MYRIP: variants seen among roughly 807,000 people sequenced by gnomAD.
The protein encoded by MYRIP is myosin VIIA and Rab interacting protein, also known as rab effector MyRIP.
MYRIP carries 49 observed loss-of-function variants against 98.0 expected under a neutral mutation model. That is an observed-to-expected ratio of 0.50 (90% CI 0.40 to 0.63). The LOEUF is 0.63. Ranked by LOEUF, MYRIP falls within the 30% of genes least tolerant of loss-of-function variation. MYRIP has a pLI of 0.00. For synonymous variants in MYRIP, 404 were observed against 409.5 expected, an observed-to-expected ratio of 0.99 and a Z score of 0.16; for missense variants, 1,004 against 1,058.2, an observed-to-expected ratio of 0.95 and a Z score of 0.71.
intron 2 of MYRIP, among the ~76,000 whole-genome samples, chr3:40,021,696 A>G (rs959375079): frequency 9.2e-5 from 14 of 152,236 alleles, no homozygotes; most frequent in Non-Finnish European, 2.1e-4. Context: ...CATGTGATAC[A>G]GGTTTTGACC....
chr3:40,161,525 T>A (rs1158910898), intron 4 of MYRIP, among the ~76,000 whole-genome samples: 1 of 152,184 alleles, frequency 6.6e-6, no homozygotes, highest in African/African-American at 2.4e-5. Context: ...CCCTTCTCTG[T>A]TGCCTCCCCC....
At chr3:39,934,229 G>C (rs1482220865) in intron 2 of MYRIP, among the ~76,000 whole-genome samples, 1 of 149,526 alleles carries the variant, frequency 6.7e-6, no homozygotes, top group Non-Finnish European at 1.5e-5. Flanking sequence ...ATTCCTTCCT[G>C]TGCCTAAAAG....
intron 11 of MYRIP, among the ~76,000 whole-genome samples, chr3:40,220,903 C>A (rs13322142): frequency 2.0e-5 from 3 of 151,884 alleles, no homozygotes; most frequent in African/African-American, 7.3e-5. Flanking sequence ...AATCTGCCCC[C>A]ACGATCCAAT....
intron 2 of MYRIP, among the ~76,000 whole-genome samples, chr3:39,994,604 C>G (rs557474067): frequency 4.4e-4 from 67 of 152,374 alleles, no homozygotes; most frequent in African/African-American, 1.6e-3. Context: ...TAGACTCCAC[C>G]TCTGGGGGCA....
At chr3:40,175,130 T>TAATAA (rs56673027) in intron 8 of MYRIP, among the ~76,000 whole-genome samples, 145,717 of 151,164 alleles carry the variant, frequency 0.96, 70,383 homozygotes, top group East Asian at 1. Flanking sequence ...GTCTCAAAAA[T>TAATAA]AATAAAATAA....
chr3:40,167,595 C>T (rs1431545364), intron 7 of MYRIP, among the ~76,000 whole-genome samples: 1 of 152,192 alleles, frequency 6.6e-6, no homozygotes, highest in African/African-American at 2.4e-5. Flanking sequence ...CATTCTGATA[C>T]TAACTTCTTC....
chr3:39,809,210 C>G (rs897116870), upstream of MYRIP, among the ~76,000 whole-genome samples: 5 of 152,162 alleles, frequency 3.3e-5, no homozygotes, highest in South Asian at 1.0e-3. Flanking sequence ...TCCGGGCCCC[C>G]AGGACTCAGA....
chr3:40,028,846 A>C (rs1947194363), intron 2 of MYRIP, among the ~76,000 whole-genome samples: 1 of 152,130 alleles, frequency 6.6e-6, no homozygotes, highest in Non-Finnish European at 1.5e-5. Flanking sequence ...AATATAATCT[A>C]ATAAGTGAGA....
chr3:40,199,840 C>G (rs11927522), intron 10 of MYRIP, among the ~76,000 whole-genome samples: 1 of 151,958 alleles, frequency 6.6e-6, no homozygotes, highest in East Asian at 1.9e-4. Flanking sequence ...GAAGACAAAT[C>G]ATAATATGGC....
At chr3:39,899,226 GTATTCTGTA>G (rs1214543640) in intron 1 of MYRIP, among the ~76,000 whole-genome samples, 1 of 152,084 alleles carries the variant, frequency 6.6e-6, no homozygotes, top group Admixed American at 6.6e-5. Context: ...TGCTGTACAT[GTATTCTGTA>G]CATGTGGTGT....
chr3:39,975,485 C>T (rs1181249618), intron 2 of MYRIP, among the ~76,000 whole-genome samples: 291 of 151,906 alleles, frequency 1.9e-3, no homozygotes, highest in Non-Finnish European at 3.4e-3. Context: ...AGGTAATTTA[C>T]AGATTCAATG....
intron 3 of MYRIP, among the ~76,000 whole-genome samples, chr3:40,088,421 GA>G (rs1948673071): frequency 6.6e-6 from 1 of 152,090 alleles, no homozygotes; most frequent in African/African-American, 2.4e-5. Context: ...GGGAAACCAG[GA>G]ATTGTTACCC....
At position 40,118,852 on chromosome 3, in the gene MYRIP, A is replaced by G. The variant is rs1949338824; in HGVS notation, c.333-32196A>G. Among the ~76,000 whole-genome samples the G allele has an allele frequency of 2.0e-5, 3 of 151,154 alleles. No individual in the cohort carries two copies. The South Asian group carries it at 6.3e-4, about 32-fold the overall frequency. On this transcript the variant is annotated intron_variant, in intron 3 of 16. Coordinates refer to ENST00000302541, the MANE Select transcript of MYRIP (RefSeq NM_015460.4). ...CCACCTATGAGTGAGAACGTGCGATAGTTTGCTGAGAATGATGGTTTCCAG... is the reference window on the plus strand; with the variant it reads ...CCACCTATGAGTGAGAACGTGCGATGGTTTGCTGAGAATGATGGTTTCCAG...
intron 3 of MYRIP, chr3:40,100,117 C>A (rs1408141402): frequency 5.1e-6 from 5 of 985,284 alleles, no homozygotes; most frequent in Non-Finnish European, 6.0e-6. Context: ...TCTGTCTGGG[C>A]TTTTCTGGCC....
chr3:39,955,303 A>T (rs912582674), intron 2 of MYRIP, among the ~76,000 whole-genome samples: 1 of 152,212 alleles, frequency 6.6e-6, no homozygotes, highest in Non-Finnish European at 1.5e-5. Context: ...CACAAAGGGA[A>T]GCCCATCAGA....
At chr3:39,862,493 C>T (rs1461163194) in intron 1 of MYRIP, among the ~76,000 whole-genome samples, 2 of 152,108 alleles carry the variant, frequency 1.3e-5, no homozygotes, top group Non-Finnish European at 2.9e-5. Context: ...GCAGGGATTG[C>T]TATTCTAATT....
chr3:40,017,167 T>C (rs938148199), intron 2 of MYRIP, among the ~76,000 whole-genome samples: 3 of 152,216 alleles, frequency 2.0e-5, no homozygotes, highest in Admixed American at 1.3e-4. Flanking sequence ...CAAAGCCAAA[T>C]GCAAGTCTCC....
chr3:39,889,376 A>G (rs3932945), intron 1 of MYRIP, among the ~76,000 whole-genome samples: 152,084 of 152,276 alleles, frequency 1, 75,946 homozygotes, highest in Middle Eastern at 1. Flanking sequence ...CATGTCCTTT[A>G]TAGGGACATG....
intron 10 of MYRIP, among the ~76,000 whole-genome samples, chr3:40,197,189 C>T (rs966907663): frequency 2.0e-5 from 3 of 152,102 alleles, no homozygotes; most frequent in Non-Finnish European, 4.4e-5. Context: ...ATTCTCATAA[C>T]GAGTGCACAA....
Sources: gnomAD v4.1 joint callset for allele counts (sites outside exome capture counted in the v4.1 genomes callset) on GRCh38, gnomAD v4.1.1 for gene constraint, MANE v1.5 for transcripts, NCBI Gene and HGNC (gene_info 2026-07-23, HGNC 2026-07-21) for gene names.